CMTM7: variants seen among roughly 807,000 people sequenced by gnomAD.
CMTM7 encodes the protein CKLF like MARVEL transmembrane domain containing 7.
Under a neutral mutation model 19.3 loss-of-function variants are expected in CMTM7, and 7 were observed. That is an observed-to-expected ratio of 0.36 (90% confidence interval 0.21 to 0.68). The LOEUF (loss-of-function observed/expected upper bound fraction) is 0.68. Among genes scored for constraint, CMTM7 ranks in the 30% least tolerant of loss-of-function variants. The pLI is 0.60. For synonymous variants in CMTM7, 87 were observed against 99.3 expected (o/e 0.88, Z 0.74); for missense variants, 193 against 232.6 (o/e 0.83, Z 1.11).
At chr3:32,454,137 A>C in intron 4 of CMTM7, 104 bp from the exon 5 acceptor site, 1 of 1,236,636 alleles carries the variant, frequency 8.1e-7, no homozygotes, top group Non-Finnish European at 1.1e-6. Flanking sequence ...GGTGGAGGAC[A>C]CAGGTGCCCC....
intron 1 of CMTM7, among the ~76,000 whole-genome samples, chr3:32,403,225 T>A (rs1696036296): frequency 6.6e-6 from 1 of 152,158 alleles, no homozygotes; most frequent in Non-Finnish European, 1.5e-5. Context: ...TTCTTGTTGT[T>A]TGTTTTTGAG....
intron 1 of CMTM7, among the ~76,000 whole-genome samples, chr3:32,426,289 G>A (rs998330340): frequency 3.3e-5 from 5 of 152,130 alleles, no homozygotes; most frequent in Admixed American, 6.5e-5. Context: ...TCTTCTCTCA[G>A]TGGTTATATT....
At chr3:32,426,297 AT>A (rs1350750103) in intron 1 of CMTM7, among the ~76,000 whole-genome samples, 2 of 152,218 alleles carry the variant, frequency 1.3e-5, no homozygotes, top group Non-Finnish European at 2.9e-5. Context: ...CAGTGGTTAT[AT>A]TTTCACACCA....
At chr3:32,393,343 C>A (rs1695867103) in intron 1 of CMTM7, among the ~76,000 whole-genome samples, 1 of 152,164 alleles carries the variant, frequency 6.6e-6, no homozygotes, top group African/African-American at 2.4e-5. Context: ...TGGGTTTGAG[C>A]AGGGCATTTT....
intron 1 of CMTM7, among the ~76,000 whole-genome samples, chr3:32,408,252 C>G (rs1372931265): frequency 6.6e-6 from 1 of 152,188 alleles, no homozygotes. Context: ...TTCTGTTGTT[C>G]TAAGCCACCA....
intron 1 of CMTM7, among the ~76,000 whole-genome samples, chr3:32,395,565 G>A (rs983089824): frequency 2.0e-5 from 3 of 152,148 alleles, no homozygotes; most frequent in African/African-American, 7.2e-5. Flanking sequence ...CTTGTTAATA[G>A]TTCTAGGGAT....
chr3:32,449,704 G>T lies in CMTM7; in HGVS notation c.432+152G>T, dbSNP rs1169825942. ...TCCAGCCATCAGCTCTCTCCAAAGAGCCTTAAGCAGAGGCGTACAGTCCCA... is the reference window on the plus strand; with the variant it reads ...TCCAGCCATCAGCTCTCTCCAAAGATCCTTAAGCAGAGGCGTACAGTCCCA... On this transcript the variant is annotated intron_variant, in intron 3 of 4. Transcript: ENST00000334983. The surrounding 1 kb of genome is among the most constrained non-coding windows in gnomAD (Gnocchi z 4.5). 4.4e-6 allele frequency: 3 copies of T among 682,846 alleles called. No homozygotes were observed. Among genetic ancestry groups the T allele is most frequent in the Middle Eastern group, 3.4e-4 (1 of 2,952 alleles). 42.3% of individuals were successfully genotyped at this position (682,846 alleles called of 1,614,324 possible).
intron 4 of CMTM7, among the ~76,000 whole-genome samples, chr3:32,453,034 G>A (rs1696860712): frequency 7.0e-6 from 1 of 142,406 alleles, no homozygotes. Flanking sequence ...GCCTCTGAAA[G>A]TGCTGGGATT....
intron 1 of CMTM7, among the ~76,000 whole-genome samples, chr3:32,435,316 A>G (rs1696581931): frequency 6.6e-6 from 1 of 152,204 alleles, no homozygotes; most frequent in Admixed American, 6.5e-5. Context: ...AGGCAGGAGA[A>G]TGGTGTGAAC....
At chr3:32,392,743 G>A (rs986434438) in intron 1 of CMTM7, among the ~76,000 whole-genome samples, 4 of 152,140 alleles carry the variant, frequency 2.6e-5, no homozygotes, top group Non-Finnish European at 5.9e-5. Flanking sequence ...ACTCATGTAG[G>A]GGAGCCAGAC....
chr3:32,398,352 G>C (rs1695949718), intron 1 of CMTM7, among the ~76,000 whole-genome samples: 1 of 152,150 alleles, frequency 6.6e-6, no homozygotes, highest in Non-Finnish European at 1.5e-5. Context: ...GGCAATGATG[G>C]AAATCTAAAT....
intron 1 of CMTM7, among the ~76,000 whole-genome samples, chr3:32,436,887 T>C (rs945055754): frequency 2.6e-5 from 4 of 152,124 alleles, no homozygotes; most frequent in African/African-American, 9.7e-5. Context: ...TCTTGAAAAC[T>C]GCCTCTTGAG....
At chr3:32,402,760 T>C (rs1320137101) in intron 1 of CMTM7, among the ~76,000 whole-genome samples, 1 of 152,042 alleles carries the variant, frequency 6.6e-6, no homozygotes. Flanking sequence ...AGAGACAGGT[T>C]TCACCATGTG....
At chr3:32,431,642 C>T (rs1199682065) in intron 1 of CMTM7, among the ~76,000 whole-genome samples, 1 of 152,162 alleles carries the variant, frequency 6.6e-6, no homozygotes. Context: ...GCTCTGTATA[C>T]AAGCAAGTGC....
chr3:32,403,532 GTGTTACCT>G (rs946720824), intron 1 of CMTM7, among the ~76,000 whole-genome samples: 3 of 152,230 alleles, frequency 2.0e-5, no homozygotes, highest in Admixed American at 1.3e-4. Context: ...TTTTTTATAT[GTGTTACCT>G]TGTTTAATCC....
chr3:32,416,747 G>A (rs1696273105), intron 1 of CMTM7, among the ~76,000 whole-genome samples: 1 of 152,194 alleles, frequency 6.6e-6, no homozygotes, highest in Non-Finnish European at 1.5e-5. Flanking sequence ...GGGCTCTGGT[G>A]TAGATGAACT....
rs1285495214 is a variant in CMTM7 at position 32,449,489 on chromosome 3, C to A, written c.369C>A (p.Leu123=). 11 of 1,614,182 alleles carry A rather than the reference C, an allele frequency of 6.8e-6. No individual in the cohort carries two copies. The South Asian group carries it at 8.8e-5, about 13-fold the overall frequency. The part of the protein sequence containing the change: ...LLHYLIGTLL[L]LIASIVAASK... The stretch of plus-strand genomic sequence containing the variant: ...ACTATTTAATCGGTACCCTGCTCCT[C>A]CTCATCGCCTCCATTGTGGCAGCTT... Residue 123 remains leucine (L), a synonymous_variant, in exon 3 of 5, where the codon CTC becomes CTA. Coordinates refer to ENST00000334983, the MANE Select transcript of CMTM7 (RefSeq NM_138410.4). The surrounding 1 kb of genome is among the most constrained non-coding windows in gnomAD (Gnocchi z 4.5).
chr3:32,414,065 C>T (rs1040185530), intron 1 of CMTM7, among the ~76,000 whole-genome samples: 2 of 152,184 alleles, frequency 1.3e-5, no homozygotes, highest in Admixed American at 6.5e-5. Flanking sequence ...CAGTGCTCCT[C>T]GGAGTATCAG....
At chr3:32,411,421 C>T (rs1340120277) in intron 1 of CMTM7, among the ~76,000 whole-genome samples, 1 of 152,118 alleles carries the variant, frequency 6.6e-6, no homozygotes, top group Non-Finnish European at 1.5e-5. Flanking sequence ...ACAGTCAGAG[C>T]CTTCCTCTTC....
Sources: allele counts gnomAD v4.1 joint callset (sites outside exome capture counted in the v4.1 genomes callset), GRCh38; gene constraint gnomAD v4.1.1; non-coding constraint Gnocchi (gnomAD v3.1); transcripts MANE v1.5; gene names NCBI Gene and HGNC (gene_info 2026-07-23, HGNC 2026-07-21).